The following FGF12 variants were observed in gnomAD, a reference collection of about 807,000 sequenced individuals.
FGF12 encodes fibroblast growth factor 12B.
A neutral mutation model predicts 23.6 loss-of-function variants in FGF12; 14 were observed. That is an observed-to-expected ratio of 0.59 (90% CI 0.39 to 0.93). The LOEUF is 0.93. Among genes scored for constraint, FGF12 ranks in the 40% least tolerant of loss-of-function variants. The pLI, the probability that FGF12 is intolerant of heterozygous loss-of-function variation, is 0.00. For missense variants in FGF12, 175 were observed against 217.8 expected, an observed-to-expected ratio of 0.80 and a Z score of 1.24; for synonymous variants, 62 against 77.3, an observed-to-expected ratio of 0.80 and a Z score of 1.04.
intron 2 of FGF12, among the ~76,000 whole-genome samples, chr3:192,549,373 G>A (rs1226758824): frequency 6.6e-6 from 1 of 152,098 alleles, no homozygotes; most frequent in Non-Finnish European, 1.5e-5. Context: ...CAAGCTCCTG[G>A]AATTGTGCTA....
chr3:192,601,625 G>T (rs1351901965), intron 2 of FGF12, among the ~76,000 whole-genome samples: 1 of 152,038 alleles, frequency 6.6e-6, no homozygotes. Context: ...TGAAGATGGG[G>T]AGATCAATCG....
intron 3 of FGF12, among the ~76,000 whole-genome samples, chr3:192,355,395 AT>A (rs1473666709): frequency 6.6e-6 from 1 of 152,242 alleles, no homozygotes; most frequent in Non-Finnish European, 1.5e-5. Context: ...GATATTGTAC[AT>A]GTTGATAAGT....
At chr3:192,202,264 G>C (rs1039740212) in intron 4 of FGF12, among the ~76,000 whole-genome samples, 1 of 152,196 alleles carries the variant, frequency 6.6e-6, no homozygotes, top group African/African-American at 2.4e-5. Flanking sequence ...CCCAAGAACA[G>C]AGATTGGCCC....
At chr3:192,475,317 C>T (rs1723284667) in intron 2 of FGF12, among the ~76,000 whole-genome samples, 1 of 152,148 alleles carries the variant, frequency 6.6e-6, no homozygotes, top group Non-Finnish European at 1.5e-5. Flanking sequence ...CTGAGCCTTT[C>T]CAGAGCTTCC....
Position 192,514,828 on chromosome 3 carries a change from T to C in FGF12, c.14-154290A>G. 1.0e-6 allele frequency: 1 copy of C among 985,294 alleles called. No individual in the cohort carries two copies. Among genetic ancestry groups the C allele is most frequent in the African/African-American group, 1.7e-5 (1 of 57,318 alleles). The allele number at this position is 985,294 out of a possible 1,614,324, so 61.0% of individuals were successfully genotyped here. A position where few individuals can be genotyped will look rare whatever the true frequency, so the allele number is the denominator to read the frequency against. ...CTAGTAGTCCAACCAACAGGCGGCCTGTCTTCGGAAGCCGGGTCCCGAGTC... is the reference window on the plus strand; with the variant it reads ...CTAGTAGTCCAACCAACAGGCGGCCCGTCTTCGGAAGCCGGGTCCCGAGTC... On this transcript the variant is annotated intron_variant, in intron 2 of 5. Coordinates refer to ENST00000445105, the MANE Select transcript of FGF12 (RefSeq NM_004113.6). This position sits in a 1 kb window ranked among gnomAD's most constrained non-coding sequence, Gnocchi z 4.9.
Position 192,336,677 on chromosome 3 carries a change from C to T in FGF12, c.125-1213G>A, listed in dbSNP as rs145467863. Among the ~76,000 whole-genome samples, 1,653 of 152,188 alleles carry T rather than the reference C, an allele frequency of 0.011. 27 individuals are homozygous for T. Among genetic ancestry groups the T allele is most frequent in the African/African-American group, 0.038 (1,574 of 41,532 alleles). ...TGTTGATAAAATTCCTATCAGTTCTCGTCTTCTTAGTTTTTAATACAAGAT... is the reference window on the plus strand; with the variant it reads ...TGTTGATAAAATTCCTATCAGTTCTTGTCTTCTTAGTTTTTAATACAAGAT... On this transcript the variant is annotated intron_variant, in intron 3 of 5. Coordinates refer to ENST00000445105, the MANE Select transcript of FGF12 (RefSeq NM_004113.6). The surrounding 1 kb of genome is among the most constrained non-coding windows in gnomAD (Gnocchi z 4.3).
At chr3:192,169,252 A>T (rs143298526) in intron 5 of FGF12, among the ~76,000 whole-genome samples, 10,514 of 152,112 alleles carry the variant, frequency 0.069, 442 homozygotes, top group African/African-American at 0.11. Context: ...GAAGAAGGAG[A>T]ATCGCTGGAA....
chr3:192,498,825 T>C (rs1415020584), intron 2 of FGF12, among the ~76,000 whole-genome samples: 2 of 152,224 alleles, frequency 1.3e-5, no homozygotes, highest in African/African-American at 4.8e-5. Context: ...TAAAATGCAT[T>C]AATCTCTATC....
chr3:192,467,616 C>A (rs1027745250), intron 2 of FGF12, among the ~76,000 whole-genome samples: 19 of 152,180 alleles, frequency 1.2e-4, no homozygotes, highest in African/African-American at 4.3e-4. Flanking sequence ...AACACAGCTA[C>A]ACTTACAGAG....
chr3:192,210,216 C>T (rs1374608317), intron 4 of FGF12, among the ~76,000 whole-genome samples: 1 of 152,178 alleles, frequency 6.6e-6, no homozygotes, highest in Non-Finnish European at 1.5e-5. Flanking sequence ...CAAGGAGATT[C>T]ACTGAGCTGA....
intron 4 of FGF12, among the ~76,000 whole-genome samples, chr3:192,207,322 A>G (rs1276399688): frequency 6.6e-6 from 1 of 152,242 alleles, no homozygotes; most frequent in African/African-American, 2.4e-5. Flanking sequence ...TTGTGGAGAC[A>G]TATAATTACA....
intron 2 of FGF12, among the ~76,000 whole-genome samples, chr3:192,663,349 G>T (rs778076467): frequency 2.6e-5 from 4 of 152,156 alleles, no homozygotes; most frequent in Admixed American, 6.5e-5. Flanking sequence ...TTGTTCTGAA[G>T]GTCAAATGTA....
Position 192,581,454 on chromosome 3 carries a change from GTA to G in FGF12, c.13+145725_13+145726del, listed in dbSNP as rs1249760569. 6.7e-3 allele frequency among the ~76,000 whole-genome samples: 874 copies of G among 130,200 alleles called. 11 individuals carry two copies. Among genetic ancestry groups the G allele is most frequent in the African/African-American group, 0.024 (826 of 33,962 alleles). The allele number at this position is 130,200 out of a possible 152,430, so 85.4% of individuals were successfully genotyped here. On this transcript the variant is annotated intron_variant, in intron 2 of 5. Coordinates refer to ENST00000445105, the MANE Select transcript of FGF12 (RefSeq NM_004113.6). ...TATATATATGTATATATATGTGTGT[GTA>G]TATATATATGTATATATATGTGTGT...
intron 4 of FGF12, among the ~76,000 whole-genome samples, chr3:192,185,535 T>C (rs1230396976): frequency 1.3e-5 from 2 of 152,056 alleles, no homozygotes; most frequent in Non-Finnish European, 2.9e-5. Flanking sequence ...TCTTTTTTTT[T>C]CATGAATTTT....
intron 2 of FGF12, among the ~76,000 whole-genome samples, chr3:192,724,880 CT>C (rs1194105714): frequency 2.0e-5 from 3 of 152,120 alleles, no homozygotes; most frequent in Non-Finnish European, 4.4e-5. Context: ...GCCATTAGAT[CT>C]GGGTATGGGA....
At chr3:192,524,111 A>G (rs1724885728) in intron 2 of FGF12, among the ~76,000 whole-genome samples, 2 of 152,072 alleles carry the variant, frequency 1.3e-5, no homozygotes, top group Admixed American at 1.3e-4. Context: ...CCTGGCCCCC[A>G]GCAGCAGGGC....
At chr3:192,689,937 T>C (rs2108718482) in intron 2 of FGF12, among the ~76,000 whole-genome samples, 1 of 152,064 alleles carries the variant, frequency 6.6e-6, no homozygotes, top group Admixed American at 6.5e-5. Context: ...TACAAGTGAA[T>C]ACCAATAAGG....
At chr3:192,526,344 T>C (rs919189816) in intron 2 of FGF12, among the ~76,000 whole-genome samples, 4 of 152,144 alleles carry the variant, frequency 2.6e-5, no homozygotes, top group Non-Finnish European at 5.9e-5. Context: ...CAAATAGTCA[T>C]GCAAACTAAT....
In FGF12 at chr3:192,437,510, G is replaced by T. The variant is rs184583336; in HGVS notation, c.14-76972C>A. 6.2e-4 allele frequency among the ~76,000 whole-genome samples: 94 copies of T among 152,220 alleles called. No individual in the cohort carries two copies. The East Asian group carries it at 0.017, about 27-fold the overall frequency. On this transcript the variant is annotated intron_variant, in intron 2 of 5. Transcript: ENST00000445105. ...GTTCAAAACCAGCCTGACCAAGATG[G>T]TGAAACCCCATCTCTACTAAAAATA...
Sources: allele counts gnomAD v4.1 joint callset (sites outside exome capture counted in the v4.1 genomes callset), GRCh38; gene constraint gnomAD v4.1.1; non-coding constraint Gnocchi (gnomAD v3.1); transcripts MANE v1.5; gene names NCBI Gene and HGNC (gene_info 2026-07-23, HGNC 2026-07-21).